Variants in PARD3B observed in about 807,000 individuals in gnomAD.
PARD3B encodes par-3 family cell polarity regulator beta, also known as partitioning defective 3 homolog B.
PARD3B carries 103 observed loss-of-function variants against 130.2 expected under a neutral mutation model. The ratio of observed to expected loss-of-function variants is 0.79; its 90% confidence interval spans 0.67 to 0.93. The LOEUF (loss-of-function observed/expected upper bound fraction) is 0.93. PARD3B is among the 40% of genes least tolerant of loss of function. The probability of loss-of-function intolerance (pLI) is 0.00; values close to 1 mark genes in which losing one functional copy is unlikely to be tolerated. For synonymous variants in PARD3B, 583 were observed against 553.2 expected (o/e 1.05, Z -0.76); for missense variants, 1,609 against 1,499.2 (o/e 1.07, Z -1.21).
chr2:204,615,703 C>T (rs114066252), intron 1 of PARD3B, among the ~76,000 whole-genome samples: 96 of 152,188 alleles, frequency 6.3e-4, no homozygotes, highest in African/African-American at 2.0e-3. Flanking sequence ...TCTGAATAAC[C>T]GTGGTTTCTC....
Position 204,579,927 on chromosome 2 carries a change from T to C in PARD3B, c.120+33808T>C, listed in dbSNP as rs76671667. ...GGTTAGGAAAGTAGCAAGTTAATAATGTATCAGAAAGTTGTTGGCAGTTGT... is the reference window on the plus strand; with the variant it reads ...GGTTAGGAAAGTAGCAAGTTAATAACGTATCAGAAAGTTGTTGGCAGTTGT... On this transcript the variant is annotated intron_variant, in intron 1 of 22. Coordinates refer to ENST00000406610, the MANE Select transcript of PARD3B (RefSeq NM_001302769.2). Among the ~76,000 whole-genome samples the C allele has an allele frequency of 6.5e-3, 993 of 152,374 alleles. 8 individuals carry two copies. The highest frequency in any genetic ancestry group is 0.023 in the African/African-American group (965 of 41,588).
intron 15 of PARD3B, among the ~76,000 whole-genome samples, chr2:205,213,752 T>A (rs2037768772): frequency 6.6e-6 from 1 of 151,992 alleles, no homozygotes; most frequent in Non-Finnish European, 1.5e-5. Flanking sequence ...AAGGAAAGTG[T>A]TTGGGAAAGG....
Position 205,158,233 on chromosome 2 carries a change from A to T in PARD3B, c.1435-489A>T, listed in dbSNP as rs184455986. On this transcript the variant is annotated intron_variant, in intron 10 of 22. Coordinates refer to ENST00000406610, the MANE Select transcript of PARD3B (RefSeq NM_001302769.2). This position sits in a 1 kb window ranked among gnomAD's most constrained non-coding sequence, Gnocchi z 5.4. Reference sequence around the variant, plus strand: ...AAACTTTACCAATAGTGTTGTTTCCATAGTAAATGATATGTTTTAAATTAT... The same window carrying T: ...AAACTTTACCAATAGTGTTGTTTCCTTAGTAAATGATATGTTTTAAATTAT... Among the ~76,000 whole-genome samples, 297 of 152,242 alleles carry T rather than the reference A, an allele frequency of 2.0e-3. 2 individuals carry two copies. The highest frequency in any genetic ancestry group is 6.9e-3 in the African/African-American group (286 of 41,548).
At chr2:205,271,169 A>G (rs1202949637) in intron 16 of PARD3B, among the ~76,000 whole-genome samples, 3 of 152,180 alleles carry the variant, frequency 2.0e-5, no homozygotes, top group Non-Finnish European at 4.4e-5. Flanking sequence ...AAAAACAAGC[A>G]GAGAAGAAAA....
chr2:205,518,830 G>C (rs1235954948), intron 21 of PARD3B, among the ~76,000 whole-genome samples: 1 of 152,072 alleles, frequency 6.6e-6, no homozygotes, highest in Non-Finnish European at 1.5e-5. Flanking sequence ...TTTCTCCTTT[G>C]CTTAGGAACC....
chr2:205,489,571 C>T (rs201929078), intron 20 of PARD3B, among the ~76,000 whole-genome samples: 34 of 38,658 alleles, frequency 8.8e-4, no homozygotes, highest in Non-Finnish European at 1.8e-3. Context: ...TATATATACA[C>T]ACACACACAT....
chr2:204,797,565 A>G (rs1309079255), intron 2 of PARD3B, among the ~76,000 whole-genome samples: 1 of 152,218 alleles, frequency 6.6e-6, no homozygotes, highest in Non-Finnish European at 1.5e-5. Flanking sequence ...CATAACACTG[A>G]CTTACTAGAA....
intron 16 of PARD3B, among the ~76,000 whole-genome samples, chr2:205,259,462 T>C (rs150392645): frequency 2.0e-5 from 3 of 152,324 alleles, no homozygotes; most frequent in Non-Finnish European, 2.9e-5. Flanking sequence ...TTACCTTTGA[T>C]AAGTCTTTTA....
intron 2 of PARD3B, among the ~76,000 whole-genome samples, chr2:204,905,952 G>A (rs1050095497): frequency 2.4e-4 from 36 of 152,186 alleles, no homozygotes; most frequent in African/African-American, 8.2e-4. Context: ...ACACGTCTAA[G>A]ACTAAGATGT....
chr2:204,655,313 A>G (rs1481380059), intron 1 of PARD3B, among the ~76,000 whole-genome samples: 1 of 152,128 alleles, frequency 6.6e-6, no homozygotes, highest in Non-Finnish European at 1.5e-5. Flanking sequence ...GCAATATCCC[A>G]ATATCCCTGC....
intron 18 of PARD3B, among the ~76,000 whole-genome samples, chr2:205,354,882 A>T (rs1574787876): frequency 6.6e-6 from 1 of 152,230 alleles, no homozygotes; most frequent in Admixed American, 6.5e-5. Context: ...ACAGAATGGG[A>T]ATAGGTAAGG....
At chr2:205,499,478 C>T (rs1337686137) in intron 20 of PARD3B, among the ~76,000 whole-genome samples, 1 of 152,078 alleles carries the variant, frequency 6.6e-6, no homozygotes, top group Non-Finnish European at 1.5e-5. Context: ...ATATTCCAGC[C>T]CTGTCTCATA....
At chr2:204,879,031 G>A (rs2045946229) in intron 2 of PARD3B, among the ~76,000 whole-genome samples, 1 of 152,088 alleles carries the variant, frequency 6.6e-6, no homozygotes, top group Non-Finnish European at 1.5e-5. Flanking sequence ...AATGTGGAAA[G>A]ATGTATGCTA....
intron 21 of PARD3B, among the ~76,000 whole-genome samples, chr2:205,507,373 C>A (rs973393313): frequency 1.3e-5 from 2 of 151,774 alleles, no homozygotes. Context: ...CACCACCACG[C>A]CCGGCTAATT....
chr2:205,221,752 G>A (rs908654592), intron 15 of PARD3B, among the ~76,000 whole-genome samples: 2 of 151,794 alleles, frequency 1.3e-5, no homozygotes, highest in African/African-American at 4.8e-5. Flanking sequence ...GTCTGTCTCC[G>A]TCTCTGTCTT....
At chr2:205,152,690 T>C (rs1233649894) in intron 10 of PARD3B, among the ~76,000 whole-genome samples, 1 of 152,194 alleles carries the variant, frequency 6.6e-6, no homozygotes, top group Non-Finnish European at 1.5e-5. Context: ...TTCCTCGCAA[T>C]GGGTTCGAAT....
intron 2 of PARD3B, among the ~76,000 whole-genome samples, chr2:204,798,205 G>A (rs1030408744): frequency 6.6e-6 from 1 of 152,152 alleles, no homozygotes; most frequent in Non-Finnish European, 1.5e-5. Flanking sequence ...CCCAGCAGCC[G>A]CTGCTTGGCA....
chr2:204,619,741 C>G (rs768683959), intron 1 of PARD3B, among the ~76,000 whole-genome samples: 2 of 152,172 alleles, frequency 1.3e-5, no homozygotes, highest in Non-Finnish European at 2.9e-5. Context: ...AAAGATACAA[C>G]TTCAGACCTG....
chr2:205,458,040 G>A lies in PARD3B; in HGVS notation c.3044+17368G>A, dbSNP rs1559113155. On this transcript the variant is annotated intron_variant, in intron 20 of 22. Coordinates refer to ENST00000406610, the MANE Select transcript of PARD3B (RefSeq NM_001302769.2). The surrounding 1 kb of genome is among the most constrained non-coding windows in gnomAD (Gnocchi z 4.8). ...AGATAAGGGATACTCAACCTGTAATGTATCATTTTTCTTTGACTGCCTTAA... is the reference window on the plus strand; with the variant it reads ...AGATAAGGGATACTCAACCTGTAATATATCATTTTTCTTTGACTGCCTTAA... Among the ~76,000 whole-genome samples, 1 of 152,122 alleles carries A rather than the reference G, an allele frequency of 6.6e-6. No homozygotes were observed. Among genetic ancestry groups the A allele is most frequent in the African/African-American group, 2.4e-5 (1 of 41,440 alleles).
Sources: gnomAD v4.1 joint callset for allele counts (sites outside exome capture counted in the v4.1 genomes callset) on GRCh38, gnomAD v4.1.1 for gene constraint, Gnocchi (gnomAD v3.1) non-coding constraint, MANE v1.5 for transcripts, NCBI Gene and HGNC (gene_info 2026-07-23, HGNC 2026-07-21) for gene names.